FGR: variants seen among roughly 807,000 people sequenced by gnomAD.
FGR encodes tyrosine-protein kinase Fgr.
FGR carries 26 observed loss-of-function variants against 63.2 expected under a neutral mutation model. The observed-to-expected ratio is 0.41, with a 90% CI of 0.30 to 0.57. The LOEUF is 0.57. Among genes scored for constraint, FGR ranks in the 20% least tolerant of loss-of-function variants. The pLI is 0.27. For synonymous variants in FGR, 286 were observed against 277.7 expected, an observed-to-expected ratio of 1.03 and a Z score of -0.30; for missense variants, 511 against 690.8, an observed-to-expected ratio of 0.74 and a Z score of 2.92.
chr1:27,624,729 G>A (rs2089990346), intron 2 of FGR, among the ~76,000 whole-genome samples: 1 of 152,104 alleles, frequency 6.6e-6, no homozygotes. Context: ...GTCTGTGTGA[G>A]TGGGTGTCTC....
At position 27,615,735 on chromosome 1, in the gene FGR, C is replaced by A. The variant is rs556678699; in HGVS notation, c.792G>T (p.Thr264=). ...DAWEISRSSI[T]LERRLGTGCF... ...AGCCGGTGCCCAGCCGGCGCTCCAG[C>A]GTGATGGAGCTGCGGCTGATCTCCC... Residue 264 remains threonine, a synonymous_variant, in exon 8 of 13, where the codon ACG becomes ACT. Coordinates refer to ENST00000374005, the MANE Select transcript of FGR (RefSeq NM_005248.3). The surrounding 1 kb of genome is among the most constrained non-coding windows in gnomAD (Gnocchi z 7.6). 74 of 1,609,568 alleles carry A rather than the reference C, an allele frequency of 4.6e-5. No homozygotes were observed. The African/African-American group carries it at 8.7e-4, about 19-fold the overall frequency.
At chr1:27,628,580 G>C (rs1014766900) in intron 1 of FGR, among the ~76,000 whole-genome samples, 4 of 145,676 alleles carry the variant, frequency 2.7e-5, no homozygotes, top group African/African-American at 1.1e-4. Context: ...CCTCTCCGGT[G>C]ACATGGACCC....
At chr1:27,624,160 C>A in intron 2 of FGR, 2 of 479,684 alleles carry the variant, frequency 4.2e-6, no homozygotes, top group African/African-American at 2.0e-5. Flanking sequence ...TGGCTCATGT[C>A]TATATCTCTG....
chr1:27,613,361 T>TG lies in FGR; in HGVS notation c.1250-12dup. 6.2e-7 allele frequency: 1 copy of TG among 1,612,942 alleles called. No individual in the cohort carries two copies. Among genetic ancestry groups the TG allele is most frequent in the Non-Finnish European group, 8.5e-7 (1 of 1,179,464 alleles). On this transcript the variant is annotated splice_polypyrimidine_tract_variant and intron_variant, in intron 11 of 12. Coordinates refer to ENST00000374005, the MANE Select transcript of FGR (RefSeq NM_005248.3). ...TGGGGAACTTGGAACCTGGAGAAGA[T>TG]GGGGGAGCAGGGAAAGTTAGTGAGG...
At chr1:27,614,340 G>C (rs1370823722) in intron 11 of FGR, 90 bp downstream of exon 11, 2 of 1,425,188 alleles carry the variant, frequency 1.4e-6, no homozygotes, top group Non-Finnish European at 1.9e-6. Context: ...CGGGCGACCT[G>C]GAGTGAGGAA....
At chr1:27,629,478 A>G (rs2090073638) in intron 1 of FGR, among the ~76,000 whole-genome samples, 1 of 151,964 alleles carries the variant, frequency 6.6e-6, no homozygotes, top group South Asian at 2.1e-4. Context: ...ATAGAAACAG[A>G]GAGAGGCAGA....
chr1:27,621,597 G>C lies in FGR; in HGVS notation c.390C>G (p.Ser130Arg), dbSNP rs35334091. The C allele has an allele frequency of 2.3e-4, 373 of 1,613,928 alleles. 4 individuals are homozygous for C. The East Asian group carries it at 6.5e-3, about 28-fold the overall frequency. The change falls in exon 5 of 13, where the codon AGC becomes AGG. Residue 130 changes from serine (S) to arginine (R), a missense_variant. Transcript: ENST00000374005. Reference sequence around the variant, plus strand: ...TTGAGTCAACAGGGGCCACGTAGTTGCTGGGAATGCAGCCAGTTTTTCCGG... The same window carrying C: ...TTGAGTCAACAGGGGCCACGTAGTTCCTGGGAATGCAGCCAGTTTTTCCGG... ...LSSGKTGCIPSNYVAPVDSIQ... is the reference protein window; with the variant it reads ...LSSGKTGCIPRNYVAPVDSIQ...
intron 1 of FGR, chr1:27,626,144 T>G: frequency 2.5e-6 from 1 of 398,602 alleles, no homozygotes; most frequent in Non-Finnish European, 4.4e-6. Context: ...AGCCAACCCT[T>G]TTCTGGCAGC....
chr1:27,617,143 C>T lies in FGR; in HGVS notation c.532+50G>A. The stretch of plus-strand genomic sequence containing the variant: ...AAGCAGCCTACCGCTCCTAGCCCTA[C>T]CCCAATGGCTGGGCCTCCCAGTCGC... On this transcript the variant is annotated intron_variant, in intron 6 of 12. Coordinates refer to ENST00000374005, the MANE Select transcript of FGR (RefSeq NM_005248.3). The surrounding 1 kb of genome is among the most constrained non-coding windows in gnomAD (Gnocchi z 4.5). 6.3e-7 allele frequency: 1 copy of T among 1,599,266 alleles called. No individual in the cohort carries two copies. Among genetic ancestry groups the T allele is most frequent in the South Asian group, 1.1e-5 (1 of 90,752 alleles).
In FGR at chr1:27,614,524, T is replaced by C. The variant is rs143532619; in HGVS notation, c.1155A>G (p.Ala385=). 42 of 1,613,982 alleles carry C rather than the reference T, an allele frequency of 2.6e-5. No homozygotes were observed. In the African/African-American group the frequency reaches 4.3e-4, roughly 16 times the overall value. Residue 385 remains alanine (A), a synonymous_variant, in exon 11 of 13, where the codon GCA becomes GCG. Coordinates refer to ENST00000374005, the MANE Select transcript of FGR (RefSeq NM_005248.3). ...GCCGCTCCCCAACCAGGATGTTGGC[T>C]GCCCTCAGGTCGCGGTGAATGTAGT... is the stretch of plus-strand genomic sequence containing the variant. The part of the protein sequence containing the change: ...RMNYIHRDLR[A]ANILVGERLA...
intron 1 of FGR, among the ~76,000 whole-genome samples, chr1:27,628,132 T>C (rs1396408874): frequency 6.8e-6 from 1 of 146,890 alleles, no homozygotes; most frequent in Non-Finnish European, 1.5e-5. Flanking sequence ...CTTACGCCTG[T>C]CACTGCACTC....
intron 1 of FGR, among the ~76,000 whole-genome samples, chr1:27,630,262 C>T (rs1194844857): frequency 6.6e-6 from 1 of 152,118 alleles, no homozygotes; most frequent in Non-Finnish European, 1.5e-5. Context: ...ACCGTGTTAG[C>T]CCGGATGGTC....
intron 2 of FGR, among the ~76,000 whole-genome samples, chr1:27,624,754 T>A (rs1329713860): frequency 2.6e-5 from 4 of 152,220 alleles, no homozygotes; most frequent in African/African-American, 9.6e-5. Flanking sequence ...TCTGTGTGTC[T>A]ATGAATGTGC....
At position 27,627,003 on chromosome 1, in the gene FGR, TA is replaced by T. The variant is rs112735579; in HGVS notation, c.-76-1853del. Reference sequence around the variant, plus strand: ...GCAACATAGGGACACCCCGTCTCTATAAAAAAAAATCTTTTTTTAATTAGCC... The same window carrying T: ...GCAACATAGGGACACCCCGTCTCTATAAAAAAAATCTTTTTTTAATTAGCC... On this transcript the variant is annotated intron_variant, in intron 1 of 12. Transcript: ENST00000374005. 4.4e-3 allele frequency among the ~76,000 whole-genome samples: 668 copies of T among 150,602 alleles called. 2 individuals are homozygous for T. Among genetic ancestry groups the T allele is most frequent in the Middle Eastern group, 0.017 (5 of 294 alleles).
chr1:27,614,536 G>A lies in FGR; in HGVS notation c.1143C>T (p.Arg381=), dbSNP rs56377124. Residue 381 remains arginine, a synonymous_variant, in exon 11 of 13, where the codon CGC becomes CGT. Transcript: ENST00000374005. ...AYMERMNYIH[R]DLRAANILVG... ...CCAGGATGTTGGCTGCCCTCAGGTC[G>A]CGGTGAATGTAGTTCATGCGTTCCA... The A allele has an allele frequency of 1.2e-3, 1,869 of 1,614,066 alleles. 2 individuals are homozygous for A. Among genetic ancestry groups the A allele is most frequent in the Non-Finnish European group, 1.4e-3 (1,616 of 1,179,972 alleles).
At chr1:27,630,437 A>G (rs1431242923) in intron 1 of FGR, among the ~76,000 whole-genome samples, 2 of 152,110 alleles carry the variant, frequency 1.3e-5, no homozygotes, top group Admixed American at 6.5e-5. Context: ...TCTTCTTCCA[A>G]TGCGGCCCAG....
intron 1 of FGR, among the ~76,000 whole-genome samples, chr1:27,629,524 A>G (rs1193125451): frequency 6.6e-6 from 1 of 152,116 alleles, no homozygotes; most frequent in African/African-American, 2.4e-5. Context: ...CTAAAGAGAC[A>G]AGGAGGGAAA....
chr1:27,612,347 CACAT>C lies in FGR; in HGVS notation c.*563_*566del, dbSNP rs2089710784. On this transcript the variant is annotated 3_prime_UTR_variant, in exon 13 of 13. Transcript: ENST00000374005. ...CTTATTTACAGAATCAATAAACCAACACATACACACTATTCAGAGAGGTGGGAAG... is the reference window on the plus strand; with the variant it reads ...CTTATTTACAGAATCAATAAACCAACACACACTATTCAGAGAGGTGGGAAG... 6.5e-6 allele frequency: 1 copy of C among 153,100 alleles called. No individual in the cohort carries two copies. The highest frequency in any genetic ancestry group is 2.4e-5 in the African/African-American group (1 of 41,454). The allele number at this position is 153,100 out of a possible 1,614,324, so 9.5% of individuals were successfully genotyped here.
At position 27,615,682 on chromosome 1, in the gene FGR, T is replaced by C. The variant is rs539636022; in HGVS notation, c.838+7A>G. 1.3e-6 allele frequency: 2 copies of C among 1,597,998 alleles called. No homozygotes were observed. Among genetic ancestry groups the C allele is most frequent in the South Asian group, 2.2e-5 (2 of 90,220 alleles). ...GGCCCTCGTCCCGGCCCCCGGGAGC[T>C]CCGTACCCAGCCACACATCCCCGAA... On this transcript the variant is annotated splice_region_variant and intron_variant, in intron 8 of 12. Coordinates refer to ENST00000374005, the MANE Select transcript of FGR (RefSeq NM_005248.3). The surrounding 1 kb of genome is among the most constrained non-coding windows in gnomAD (Gnocchi z 7.6).
Sources: gnomAD v4.1 joint callset for allele counts (sites outside exome capture counted in the v4.1 genomes callset) on GRCh38, gnomAD v4.1.1 for gene constraint, Gnocchi (gnomAD v3.1) non-coding constraint, MANE v1.5 for transcripts, NCBI Gene and HGNC (gene_info 2026-07-23, HGNC 2026-07-21) for gene names.